TANC2: variants seen among roughly 807,000 people sequenced by gnomAD.
TANC2 encodes tetratricopeptide repeat, ankyrin repeat and coiled-coil containing 2, also known as protein TANC2.
TANC2 carries 26 observed loss-of-function variants against 210.5 expected under a neutral mutation model. The ratio of observed to expected loss-of-function variants is 0.12; its 90% confidence interval spans 0.09 to 0.17. TANC2 has a LOEUF of 0.17. TANC2 is among the 10% of genes least tolerant of loss of function. The pLI, the probability that TANC2 is intolerant of heterozygous loss-of-function variation, is 1.00. For synonymous variants in TANC2, 931 were observed against 967.1 expected, an observed-to-expected ratio of 0.96 and a Z score of 0.69; for missense variants, 2,129 against 2,608.9, an observed-to-expected ratio of 0.82 and a Z score of 4.01.
chr17:63,232,705 C>T (rs1390015847), intron 7 of TANC2, among the ~76,000 whole-genome samples: 28 of 152,226 alleles, frequency 1.8e-4, no homozygotes, highest in Non-Finnish European at 2.2e-4. Context: ...CTGGCGACCC[C>T]TGTTGGGGGT....
intron 2 of TANC2, among the ~76,000 whole-genome samples, chr17:63,046,358 G>GTTTTT (rs2035383664): frequency 1.1e-5 from 1 of 93,622 alleles, no homozygotes; most frequent in African/African-American, 5.2e-5. Flanking sequence ...TTGAGATGGA[G>GTTTTT]TTTCACTCTT....
exon 28 of TANC2, chr17:63,424,846 CACA>C (rs1287769529): frequency 6.6e-6 from 1 of 152,114 alleles, no homozygotes; most frequent in African/African-American, 2.4e-5. Flanking sequence ...AGCAGTGGAT[CACA>C]ACATTTATAG....
intron 6 of TANC2, chr17:63,197,715 T>G (rs922988774): frequency 6.6e-6 from 1 of 152,210 alleles, no homozygotes; most frequent in African/African-American, 2.4e-5. Flanking sequence ...TTGTAGGACC[T>G]TTAAGAGATC....
chr17:63,286,163 T>C (rs2044214287), intron 9 of TANC2, among the ~76,000 whole-genome samples: 1 of 152,242 alleles, frequency 6.6e-6, no homozygotes, highest in African/African-American at 2.4e-5. Flanking sequence ...ATAAAAATCT[T>C]ATGTATTTAT....
chr17:63,183,873 CG>C (rs2040879249), intron 5 of TANC2, among the ~76,000 whole-genome samples: 1 of 152,068 alleles, frequency 6.6e-6, no homozygotes, highest in Non-Finnish European at 1.5e-5. Flanking sequence ...AAAAATTAGC[CG>C]GGCGAGGTGG....
chr17:63,233,982 A>G (rs2042550582), intron 7 of TANC2, among the ~76,000 whole-genome samples: 1 of 152,240 alleles, frequency 6.6e-6, no homozygotes, highest in African/African-American at 2.4e-5. Context: ...TTAAGTAAAG[A>G]TAAAAGACCA....
In TANC2 at chr17:63,413,157, G is replaced by A. The variant is rs1367527685; in HGVS notation, c.3929-386G>A. 4 of 207,520 alleles carry A rather than the reference G, an allele frequency of 1.9e-5. No individual in the cohort carries two copies. The East Asian group carries it at 4.5e-4, about 23-fold the overall frequency. The allele number at this position is 207,520 out of a possible 1,614,324, so 12.9% of individuals were successfully genotyped here. A position where few individuals can be genotyped will look rare whatever the true frequency, so the allele number is the denominator to read the frequency against. On this transcript the variant is annotated intron_variant, in intron 24 of 27. Transcript: ENST00000689528. ...GAGGCTAAACATCTGGGGGTTTTGA[G>A]TCCCAAATCCAAAATAAATTACCCT...
intron 7 of TANC2, among the ~76,000 whole-genome samples, chr17:63,225,504 A>C (rs1432538010): frequency 6.6e-6 from 1 of 152,160 alleles, no homozygotes; most frequent in Non-Finnish European, 1.5e-5. Context: ...CTCACTGTCT[A>C]CTGTACATCT....
At position 62,966,840 on chromosome 17, in the gene TANC2, G is replaced by C. The variant is rs1395699799; in HGVS notation, c.-24+91G>C. 4 of 152,346 alleles carry C rather than the reference G, an allele frequency of 2.6e-5. No individual in the cohort carries two copies. The East Asian group carries it at 7.7e-4, about 29-fold the overall frequency. 9.4% of individuals were successfully genotyped at this position (152,346 alleles called of 1,614,324 possible). ...CCTCGGCTCCGGGGAGAGGGGCGGG[G>C]GCGAGCGGGGAGACGGCGAAATGGG... On this transcript the variant is annotated intron_variant, in intron 1 of 27. Coordinates refer to ENST00000689528, the Ensembl canonical transcript of TANC2. This position sits in a 1 kb window ranked among gnomAD's most constrained non-coding sequence, Gnocchi z 5.1.
chr17:63,319,077 G>T lies in TANC2; in HGVS notation c.1562G>T (p.Arg521Ile). 2 of 1,612,486 alleles carry T rather than the reference G, an allele frequency of 1.2e-6. No homozygotes were observed. Among genetic ancestry groups the T allele is most frequent in the Non-Finnish European group, 1.7e-6 (2 of 1,179,224 alleles). Residue 521 changes from arginine (R) to isoleucine (I), a missense_variant, in exon 11 of 28, where the codon AGA becomes ATA. Transcript: ENST00000689528. Reference sequence around the variant, plus strand: ...AGGCGGCAGGAGGAGGCTATGCGAAGACTAGCCTCGCAGGTACAATATGAT... The same window carrying T: ...AGGCGGCAGGAGGAGGCTATGCGAATACTAGCCTCGCAGGTACAATATGAT...
intron 18 of TANC2, chr17:63,396,438 T>G: frequency 6.2e-6 from 1 of 160,852 alleles, no homozygotes; most frequent in South Asian, 1.7e-4. Context: ...CTTGGTAAAC[T>G]GTTAAACATT....
chr17:63,111,957 C>T (rs1390498029), intron 4 of TANC2, among the ~76,000 whole-genome samples: 2 of 152,126 alleles, frequency 1.3e-5, no homozygotes, highest in African/African-American at 4.8e-5. Context: ...ATCTCCTGAC[C>T]TTGTGATCCG....
At chr17:63,113,572 A>G (rs1422159636) in intron 4 of TANC2, among the ~76,000 whole-genome samples, 2 of 152,202 alleles carry the variant, frequency 1.3e-5, no homozygotes, top group Admixed American at 6.5e-5. Context: ...TGGTGGCACA[A>G]TCACTGCTCA....
intron 5 of TANC2, among the ~76,000 whole-genome samples, chr17:63,172,348 A>T (rs1277693945): frequency 1.1e-4 from 17 of 151,532 alleles, no homozygotes; most frequent in Non-Finnish European, 1.3e-4. Context: ...TTCCCAGCTA[A>T]TTTTTTTGTA....
At chr17:63,115,811 T>G (rs971179340) in intron 4 of TANC2, among the ~76,000 whole-genome samples, 1 of 152,214 alleles carries the variant, frequency 6.6e-6, no homozygotes, top group Non-Finnish European at 1.5e-5. Flanking sequence ...AGAAAATGCT[T>G]TACTGAGATG....
intron 9 of TANC2, among the ~76,000 whole-genome samples, chr17:63,299,634 T>G (rs1171999814): frequency 6.6e-6 from 1 of 151,882 alleles, no homozygotes; most frequent in East Asian, 1.9e-4. Flanking sequence ...GGGTTGTTTG[T>G]TTTTTTCTTG....
intron 4 of TANC2, among the ~76,000 whole-genome samples, chr17:63,147,257 C>T (rs906783994): frequency 6.6e-6 from 1 of 152,010 alleles, no homozygotes; most frequent in African/African-American, 2.4e-5. Context: ...ATGGGAGAAT[C>T]ACTTGAGCCT....
At chr17:63,205,435 A>T (rs920819134) in intron 7 of TANC2, among the ~76,000 whole-genome samples, 13 of 151,610 alleles carry the variant, frequency 8.6e-5, no homozygotes, top group Non-Finnish European at 1.6e-4. Context: ...ATAGAAAGAC[A>T]TCCTGTATTC....
chr17:63,015,800 T>A (rs1045325560), intron 2 of TANC2, among the ~76,000 whole-genome samples: 1 of 152,014 alleles, frequency 6.6e-6, no homozygotes, highest in African/African-American at 2.4e-5. Context: ...GAAAATATGT[T>A]TATATTTTCT....
Sources: gnomAD v4.1 joint callset for allele counts (sites outside exome capture counted in the v4.1 genomes callset) on GRCh38, gnomAD v4.1.1 for gene constraint, Gnocchi (gnomAD v3.1) non-coding constraint, MANE v1.5 for transcripts, NCBI Gene and HGNC (gene_info 2026-07-23, HGNC 2026-07-21) for gene names.